Variants in ADGRV1 observed in about 807,000 individuals in gnomAD.
ADGRV1 encodes the protein G-protein coupled receptor 98.
A neutral mutation model predicts 596.2 loss-of-function variants in ADGRV1; 359 were observed. The ratio of observed to expected loss-of-function variants is 0.60; its 90% CI spans 0.55 to 0.66. ADGRV1 has a LOEUF of 0.66. Among genes scored for constraint, ADGRV1 ranks in the 30% least tolerant of loss-of-function variants. ADGRV1 has a pLI of 0.00. For missense variants in ADGRV1, 7,274 were observed against 7,575.6 expected, an observed-to-expected ratio of 0.96 and a Z score of 1.48; for synonymous variants, 2,681 against 2,679.2, an observed-to-expected ratio of 1.00 and a Z score of -0.02.
intron 83 of ADGRV1, among the ~76,000 whole-genome samples, chr5:90,928,890 C>T (rs1269349562): frequency 2.2e-4 from 32 of 143,728 alleles, no homozygotes; most frequent in East Asian, 6.0e-4. Context: ...AATAGCCTGC[C>T]GTGTGAGGTG....
chr5:91,152,673 G>GT (rs1179296936), intron 88 of ADGRV1, among the ~76,000 whole-genome samples: 3 of 151,934 alleles, frequency 2.0e-5, no homozygotes, highest in South Asian at 2.1e-4. Context: ...TTTTGTTTTT[G>GT]TTTTTTTAGT....
intron 20 of ADGRV1, chr5:90,654,423 G>A (rs764469551): frequency 1.1e-4 from 20 of 182,884 alleles, no homozygotes; most frequent in Admixed American, 1.6e-4. Flanking sequence ...CAGGAGAGAA[G>A]AATCACAGTG....
In ADGRV1 at chr5:90,647,663, T is replaced by C. The variant is rs762265945; in HGVS notation, c.3188T>C (p.Phe1063Ser). Reference protein sequence around the residue: ...IPVEKGETLIFEVGSRQQSIS... With the variant: ...IPVEKGETLISEVGSRQQSIS... ...GTTGAAAAAGGAGAAACGCTCATTT[T>C]TGAGGTTGGAAGTAGACAGCAGAGC... is the stretch of plus-strand genomic sequence containing the variant. The change falls in exon 17 of 90, where the codon TTT (phenylalanine) becomes TCT (serine). Residue 1063 changes from phenylalanine (F) to serine (S), a missense_variant. By Grantham distance (155) the Phe-to-Ser change is radical. This residue lies in a region of ADGRV1 where 1,715 missense variants were observed against 1,708.8 expected (regional missense o/e 1.00). Transcript: ENST00000405460. The C allele has an allele frequency of 6.2e-7, 1 of 1,614,014 alleles. No individual in the cohort carries two copies. Among genetic ancestry groups the C allele is most frequent in the Non-Finnish European group, 8.5e-7 (1 of 1,179,880 alleles).
At position 90,696,966 on chromosome 5, in the gene ADGRV1, A is replaced by G; in HGVS notation, c.7975A>G (p.Ile2659Val). 1 of 1,612,350 alleles carries G rather than the reference A, an allele frequency of 6.2e-7. No homozygotes were observed. The highest frequency in any genetic ancestry group is 8.5e-7 in the Non-Finnish European group (1 of 1,178,850). ...GETKKTVILT[I>V]LDDSEPEDDE... ...AACCAAAAAGACAGTCATTTTAACC[A>G]TCTTGGATGACTCTGAACCAGAGGA... The change falls in exon 34 of 90, where the codon ATC (isoleucine) becomes GTC (valine). Residue 2659 changes from isoleucine to valine, a missense_variant. Physicochemically the swap from Ile to Val is conservative, Grantham distance 29. Around this residue, in one of 5 missense-constraint regions of ADGRV1, gnomAD observed 3,643 missense variants for 3,809.2 expected, o/e 0.96. Transcript: ENST00000405460.
chr5:91,146,308 G>A (rs550071335), intron 87 of ADGRV1, among the ~76,000 whole-genome samples: 2 of 152,172 alleles, frequency 1.3e-5, no homozygotes, highest in Admixed American at 6.5e-5. Flanking sequence ...ACCATTAGAA[G>A]TATACAGTAG....
At chr5:90,933,653 G>C (rs1178566336) in intron 83 of ADGRV1, among the ~76,000 whole-genome samples, 1 of 152,110 alleles carries the variant, frequency 6.6e-6, no homozygotes, top group Non-Finnish European at 1.5e-5. Flanking sequence ...TAACTTTTGA[G>C]TTGATTTGGT....
intron 1 of ADGRV1, among the ~76,000 whole-genome samples, chr5:90,612,774 G>A (rs868256517): frequency 1.3e-5 from 2 of 151,966 alleles, no homozygotes; most frequent in African/African-American, 2.4e-5. Flanking sequence ...GAGGAAGTTC[G>A]CACATATAGC....
chr5:90,771,926 C>T (rs1355885198), intron 59 of ADGRV1, among the ~76,000 whole-genome samples: 1 of 152,114 alleles, frequency 6.6e-6, no homozygotes, highest in Non-Finnish European at 1.5e-5. Context: ...CCCTATGAAA[C>T]TTCCCCATCA....
chr5:90,986,546 A>G (rs1467050342), intron 85 of ADGRV1, among the ~76,000 whole-genome samples: 1 of 152,162 alleles, frequency 6.6e-6, no homozygotes, highest in African/African-American at 2.4e-5. Flanking sequence ...AGCTATGTAA[A>G]ACACACCTAA....
At chr5:90,989,381 T>A (rs990299305) in intron 85 of ADGRV1, among the ~76,000 whole-genome samples, 8 of 152,248 alleles carry the variant, frequency 5.3e-5, no homozygotes, top group African/African-American at 7.2e-5. Context: ...ATACACAGGT[T>A]GTGAACCCAA....
intron 85 of ADGRV1, among the ~76,000 whole-genome samples, chr5:91,029,738 A>G (rs999996826): frequency 2.8e-4 from 42 of 152,096 alleles, no homozygotes; most frequent in Non-Finnish European, 5.9e-4. Flanking sequence ...TCATTTGTCA[A>G]TTAAATACAT....
chr5:90,873,219 T>G (rs902701349), intron 83 of ADGRV1, among the ~76,000 whole-genome samples: 1 of 152,202 alleles, frequency 6.6e-6, no homozygotes, highest in African/African-American at 2.4e-5. Flanking sequence ...GCTAGTTGTG[T>G]GCAGTCTAGA....
chr5:90,802,332 C>G (rs1761461895), intron 70 of ADGRV1, among the ~76,000 whole-genome samples: 1 of 152,190 alleles, frequency 6.6e-6, no homozygotes, highest in Non-Finnish European at 1.5e-5. Flanking sequence ...TCTCCTGCCT[C>G]AGCCTCCCAA....
chr5:91,139,527 T>G (rs529428861), intron 87 of ADGRV1, among the ~76,000 whole-genome samples: 149 of 152,330 alleles, frequency 9.8e-4, no homozygotes, highest in Non-Finnish European at 1.8e-3. Flanking sequence ...ATTCAGTATT[T>G]CTCTTCAAAT....
intron 12 of ADGRV1, 40 bp downstream of exon 12, chr5:90,642,802 A>G (rs1409263897): frequency 6.2e-7 from 1 of 1,604,214 alleles, no homozygotes; most frequent in Non-Finnish European, 8.5e-7. Flanking sequence ...TGTGCTCACA[A>G]CTTTAGAAGA....
chr5:90,603,876 ATGTGTGTGTACGTGCCTGCACACACG>A (rs1761735208), intron 1 of ADGRV1, among the ~76,000 whole-genome samples: 1 of 126,050 alleles, frequency 7.9e-6, no homozygotes, highest in Admixed American at 7.7e-5. Flanking sequence ...GTGAGCGTGC[ATGTGTGTGTACGTGCCTGCACACACG>A]TGTGTGCAGG....
intron 85 of ADGRV1, among the ~76,000 whole-genome samples, chr5:90,994,998 A>C (rs1221769675): frequency 6.6e-6 from 1 of 152,204 alleles, no homozygotes; most frequent in East Asian, 1.9e-4. Flanking sequence ...GTGGTAAGAG[A>C]GTCTAGGGCC....
intron 85 of ADGRV1, among the ~76,000 whole-genome samples, chr5:91,013,331 A>G (rs909738124): frequency 3.3e-5 from 5 of 152,144 alleles, no homozygotes; most frequent in African/African-American, 1.2e-4. Context: ...TAGCACCAAC[A>G]GTGTATAATT....
chr5:91,161,531 G>T (rs1469696404), intron 89 of ADGRV1, among the ~76,000 whole-genome samples: 5 of 133,684 alleles, frequency 3.7e-5, no homozygotes, highest in Admixed American at 7.8e-5. Flanking sequence ...TTTTTCAAGA[G>T]AAACCAGAAA....
Sources: gnomAD v4.1 joint callset for allele counts (sites outside exome capture counted in the v4.1 genomes callset) on GRCh38, gnomAD v4.1.1 for gene constraint, gnomAD v4.1.1 regional missense constraint, MANE v1.5 for transcripts, NCBI Gene and HGNC (gene_info 2026-07-23, HGNC 2026-07-21) for gene names.